NUP98: variants seen among roughly 807,000 people sequenced by gnomAD.
The protein encoded by NUP98 is nuclear pore complex protein Nup98-Nup96.
In NUP98, 26 loss-of-function variants were observed where a neutral mutation model predicts 191.9. That is an observed-to-expected ratio of 0.14 (90% CI 0.10 to 0.19). The LOEUF (loss-of-function observed/expected upper bound fraction) is 0.19. NUP98 is among the 10% of genes least tolerant of loss of function. NUP98 has a pLI of 1.00. For synonymous variants in NUP98, 808 were observed against 778.4 expected (o/e 1.04, Z -0.63); for missense variants, 1,941 against 2,178.8 (o/e 0.89, Z 2.17).
intron 18 of NUP98, among the ~76,000 whole-genome samples, chr11:3,716,338 AT>A (rs78559016): frequency 0.064 from 9,345 of 145,130 alleles, 302 homozygotes; most frequent in Middle Eastern, 0.11. Context: ...CGATCAAATA[AT>A]TTTTTTTTTT....
intron 30 of NUP98, among the ~76,000 whole-genome samples, chr11:3,681,291 T>G (rs76051914): frequency 6.6e-6 from 1 of 152,188 alleles, no homozygotes; most frequent in East Asian, 1.9e-4. Flanking sequence ...ATCTGCCGCT[T>G]TGGCCTCCCA....
intron 10 of NUP98, 147 bp downstream of exon 10, chr11:3,760,392 G>A: frequency 8.2e-7 from 1 of 1,214,282 alleles, no homozygotes. Flanking sequence ...GCTTACCTGA[G>A]AACTTTTAAA....
chr11:3,679,820 C>T, intron 30 of NUP98, 112 bp from the exon 31 acceptor site: 1 of 1,067,230 alleles, frequency 9.4e-7, no homozygotes, highest in Non-Finnish European at 1.3e-6. Context: ...GGCTGGACTT[C>T]AGAAGTAAAA....
Position 3,691,314 on chromosome 11 carries a change from C to T in NUP98, c.4454+33G>A, listed in dbSNP as rs1181626787. ...GGACTCCCCTGGGGCTCATGGAGCA[C>T]TCAAGTGACAATAAAGCCTGGCTCT... On this transcript the variant is annotated intron_variant, in intron 28 of 32. Coordinates refer to ENST00000324932, the MANE Select transcript of NUP98 (RefSeq NM_016320.5). 6 of 1,613,512 alleles carry T rather than the reference C, an allele frequency of 3.7e-6. No homozygotes were observed. The East Asian group carries it at 1.1e-4, about 30-fold the overall frequency.
intron 13 of NUP98, among the ~76,000 whole-genome samples, chr11:3,734,090 C>T (rs2079954136): frequency 6.6e-6 from 1 of 151,348 alleles, no homozygotes; most frequent in Non-Finnish European, 1.5e-5. Flanking sequence ...GGCTGGAGTG[C>T]AATGGCGCAA....
At chr11:3,719,893 G>A (rs2079329145) in intron 17 of NUP98, among the ~76,000 whole-genome samples, 2 of 151,238 alleles carry the variant, frequency 1.3e-5, no homozygotes, top group East Asian at 1.9e-4. Context: ...CCAAGTAGCT[G>A]AGACTACAAG....
intron 14 of NUP98, among the ~76,000 whole-genome samples, chr11:3,729,530 G>A (rs1356276443): frequency 6.6e-5 from 7 of 105,474 alleles, no homozygotes; most frequent in Non-Finnish European, 1.8e-5. Flanking sequence ...AACACAGAAA[G>A]ACCCTGTATC....
At chr11:3,736,221 C>T (rs1484834283) in intron 12 of NUP98, among the ~76,000 whole-genome samples, 1 of 152,134 alleles carries the variant, frequency 6.6e-6, no homozygotes, top group Non-Finnish European at 1.5e-5. Flanking sequence ...AGTCAGCCAC[C>T]ATGCCTGGCC....
chr11:3,739,401 G>A (rs949853952), intron 12 of NUP98, among the ~76,000 whole-genome samples: 2 of 151,898 alleles, frequency 1.3e-5, no homozygotes, highest in African/African-American at 4.8e-5. Flanking sequence ...GGTGCCTGCC[G>A]CCACGCCCGG....
chr11:3,739,257 A>AT (rs1049505324), intron 12 of NUP98, among the ~76,000 whole-genome samples: 25 of 150,492 alleles, frequency 1.7e-4, no homozygotes, highest in Admixed American at 1.1e-3. Context: ...AATTAAAACA[A>AT]TTTTTTTTTT....
intron 1 of NUP98, among the ~76,000 whole-genome samples, chr11:3,785,468 CAAT>C (rs536256562): frequency 1.3e-5 from 2 of 152,094 alleles, no homozygotes; most frequent in Non-Finnish European, 2.9e-5. Context: ...CCTCTATTAA[CAAT>C]AACAAGGCTG....
intron 31 of NUP98, among the ~76,000 whole-genome samples, chr11:3,677,994 A>ACG (rs1038640406): frequency 6.6e-6 from 1 of 151,082 alleles, no homozygotes; most frequent in Non-Finnish European, 1.5e-5. Context: ...ACACACACAC[A>ACG]CAAAGCTGGG....
At chr11:3,757,959 C>T (rs2081033564) in intron 10 of NUP98, among the ~76,000 whole-genome samples, 1 of 151,918 alleles carries the variant, frequency 6.6e-6, no homozygotes, top group South Asian at 2.1e-4. Flanking sequence ...CAGAGAGTCA[C>T]ACAACATAAG....
At chr11:3,736,248 A>T (rs1224463196) in intron 12 of NUP98, among the ~76,000 whole-genome samples, 2 of 152,190 alleles carry the variant, frequency 1.3e-5, no homozygotes, top group Non-Finnish European at 2.9e-5. Context: ...TTTTAACCTC[A>T]TAATTTTAAT....
At chr11:3,797,350 G>A (rs939747182) in intron 1 of NUP98, 50 bp downstream of exon 1, 1 of 400,494 alleles carries the variant, frequency 2.5e-6, no homozygotes, top group Non-Finnish European at 4.4e-6. Context: ...GCCCGGAAGG[G>A]GGGAGAAACC....
intron 23 of NUP98, among the ~76,000 whole-genome samples, chr11:3,701,332 T>G (rs531806188): frequency 6.6e-6 from 1 of 151,074 alleles, no homozygotes; most frequent in Non-Finnish European, 1.5e-5. Context: ...TGATCTTGGC[T>G]TACTGCAACC....
At position 3,738,162 on chromosome 11, in the gene NUP98, A is replaced by C. The variant is rs548768223; in HGVS notation, c.1409-2838T>G. Among the ~76,000 whole-genome samples the C allele has an allele frequency of 4.6e-5, 7 of 151,560 alleles. 1 individual carries two copies. In the South Asian group the frequency reaches 1.5e-3, roughly 32 times the overall value. On this transcript the variant is annotated intron_variant, in intron 12 of 32. Coordinates refer to ENST00000324932, the MANE Select transcript of NUP98 (RefSeq NM_016320.5). ...CAAGAAAGTGCATGAGCATGATTTT[A>C]TATCTGTATGAATAAATATAAACTT...
intron 1 of NUP98, among the ~76,000 whole-genome samples, chr11:3,783,211 G>C (rs1347375065): frequency 6.6e-6 from 1 of 152,024 alleles, no homozygotes; most frequent in African/African-American, 2.4e-5. Context: ...GGGCAACATG[G>C]TGAAACCCTG....
At chr11:3,680,253 T>C (rs1435758070) in intron 30 of NUP98, among the ~76,000 whole-genome samples, 1 of 152,232 alleles carries the variant, frequency 6.6e-6, no homozygotes, top group Non-Finnish European at 1.5e-5. Flanking sequence ...TATCCTTTGC[T>C]GGCATTTCAA....
Sources: allele counts gnomAD v4.1 joint callset (sites outside exome capture counted in the v4.1 genomes callset), GRCh38; gene constraint gnomAD v4.1.1; transcripts MANE v1.5; gene names NCBI Gene and HGNC (gene_info 2026-07-23, HGNC 2026-07-21).